Variants in AEBP2 observed in about 807,000 individuals in gnomAD.
The protein encoded by AEBP2 is AE binding protein 2.
AEBP2 carries 10 observed loss-of-function variants against 50.8 expected under a neutral mutation model. That is an observed-to-expected ratio of 0.20 (90% CI 0.12 to 0.33). The LOEUF (loss-of-function observed/expected upper bound fraction) is 0.33. Ranked by LOEUF, AEBP2 falls within the 10% of genes least tolerant of loss-of-function variation. The pLI, the probability that AEBP2 is intolerant of heterozygous loss-of-function variation, is 1.00. For missense variants in AEBP2, 570 were observed against 688.0 expected (o/e 0.83, Z 1.92); for synonymous variants, 296 against 261.3 (o/e 1.13, Z -1.28).
At chr12:19,471,893 A>G (rs1304629813) in intron 2 of AEBP2, among the ~76,000 whole-genome samples, 1 of 151,648 alleles carries the variant, frequency 6.6e-6, no homozygotes, top group Non-Finnish European at 1.5e-5. Context: ...GTTACTTTTA[A>G]CTCTGAGAAC....
intron 1 of AEBP2, chr12:19,440,856 T>G (rs1947945130): frequency 8.5e-7 from 1 of 1,170,878 alleles, no homozygotes; most frequent in East Asian, 2.6e-5. Context: ...AGCTATCACT[T>G]TTCTCTACTT....
chr12:19,446,764 A>G (rs971642021), intron 1 of AEBP2, among the ~76,000 whole-genome samples: 2 of 151,728 alleles, frequency 1.3e-5, no homozygotes, highest in Non-Finnish European at 1.5e-5. Flanking sequence ...TCTCATCTAC[A>G]AAAAATGAAA....
chr12:19,514,643 T>G, intron 6 of AEBP2, 28 bp from the exon 7 acceptor site: 1 of 1,503,486 alleles, frequency 6.7e-7, no homozygotes. Context: ...AATGTTACTT[T>G]ATTATTGACT....
intron 4 of AEBP2, among the ~76,000 whole-genome samples, chr12:19,498,242 G>A (rs908237905): frequency 6.6e-6 from 1 of 151,868 alleles, no homozygotes; most frequent in African/African-American, 2.4e-5. Context: ...ATTTTTTTTC[G>A]AGTAGCCACT....
chr12:19,420,362 C>T (rs2095745004), intron 1 of AEBP2, among the ~76,000 whole-genome samples: 2 of 101,822 alleles, frequency 2.0e-5, no homozygotes, highest in East Asian at 3.3e-4. Flanking sequence ...GAGACAGAGT[C>T]TCACTCTGTC....
chr12:19,419,899 C>T (rs775647900), intron 1 of AEBP2, among the ~76,000 whole-genome samples: 6 of 152,130 alleles, frequency 3.9e-5, no homozygotes, highest in Non-Finnish European at 8.8e-5. Context: ...CACTGCGCTC[C>T]AGCCTGGGCC....
chr12:19,425,235 T>A (rs975106364), intron 1 of AEBP2, among the ~76,000 whole-genome samples: 3 of 152,138 alleles, frequency 2.0e-5, no homozygotes, highest in African/African-American at 7.2e-5. Context: ...GAAGTCAAGC[T>A]AGCATTACAT....
intron 4 of AEBP2, among the ~76,000 whole-genome samples, chr12:19,494,329 A>G (rs141496066): frequency 0.011 from 1,680 of 152,020 alleles, 22 homozygotes; most frequent in Non-Finnish European, 0.015. Context: ...TAAGTAATCT[A>G]TCTACTCCAA....
chr12:19,404,869 A>T (rs1246269601), intron 1 of AEBP2, among the ~76,000 whole-genome samples: 1 of 148,810 alleles, frequency 6.7e-6, no homozygotes, highest in African/African-American at 2.5e-5. Context: ...ATATGTTACG[A>T]TATTATTTTT....
At position 19,521,196 on chromosome 12, in the gene AEBP2, C is replaced by T. The variant is rs1202758849; in HGVS notation, c.*3079C>T. On this transcript the variant is annotated 3_prime_UTR_variant, in exon 8 of 8. Coordinates refer to ENST00000266508, the MANE Select transcript of AEBP2 (RefSeq NM_153207.5). The stretch of plus-strand genomic sequence containing the variant: ...GTCTAGTTGACAAAAAGTTTGGAAA[C>T]ATAAACTTAGACCACACAACTTGCA... The T allele has an allele frequency of 6.6e-6, 1 of 152,150 alleles. No homozygotes were observed. The highest frequency in any genetic ancestry group is 1.5e-5 in the Non-Finnish European group (1 of 68,004). 9.4% of individuals were successfully genotyped at this position (152,150 alleles called of 1,614,324 possible).
In AEBP2 at chr12:19,493,811, T is replaced by G. The variant is rs762681064; in HGVS notation, c.999T>G (p.Gly333=). The G allele has an allele frequency of 1.1e-5, 17 of 1,613,670 alleles. No individual in the cohort carries two copies. The highest frequency in any genetic ancestry group is 3.3e-4 in the Middle Eastern group (2 of 6,070). Reference sequence around the variant, plus strand: ...TTATTTTCTTTTAGTGTGTTGTTGGTGGCTGCAATGCCAGCTTTGCTTCTC... The same window carrying G: ...TTATTTTCTTTTAGTGTGTTGTTGGGGGCTGCAATGCCAGCTTTGCTTCTC... ...SGDKPFKCVV[G]GCNASFASQG... The change falls in exon 4 of 8, where the codon GGT becomes GGG. Residue 333 remains glycine (G), a synonymous_variant. Coordinates refer to ENST00000266508, the MANE Select transcript of AEBP2 (RefSeq NM_153207.5).
At chr12:19,461,860 T>G (rs1394347732) in intron 1 of AEBP2, among the ~76,000 whole-genome samples, 1 of 152,188 alleles carries the variant, frequency 6.6e-6, no homozygotes, top group Non-Finnish European at 1.5e-5. Flanking sequence ...ATTGGCATTT[T>G]CAGTCTTTTT....
chr12:19,473,900 G>C (rs1592748483), intron 3 of AEBP2, among the ~76,000 whole-genome samples: 1 of 152,134 alleles, frequency 6.6e-6, no homozygotes, highest in Non-Finnish European at 1.5e-5. Flanking sequence ...GTTGCTGTTG[G>C]ATTAGGGTCT....
Position 19,518,299 on chromosome 12 carries a change from T to C in AEBP2, c.*182T>C. 7.7e-7 allele frequency: 1 copy of C among 1,298,844 alleles called. No individual in the cohort carries two copies. The highest frequency in any genetic ancestry group is 9.8e-7 in the Non-Finnish European group (1 of 1,025,454). The allele number at this position is 1,298,844 out of a possible 1,614,324, so 80.5% of individuals were successfully genotyped here. ...TAAACATTCTGTGAATGAAGTAGAC[T>C]CTTCGGTGGAATATATTAATATATT... On this transcript the variant is annotated 3_prime_UTR_variant, in exon 8 of 8. Coordinates refer to ENST00000266508, the MANE Select transcript of AEBP2 (RefSeq NM_153207.5).
intron 1 of AEBP2, among the ~76,000 whole-genome samples, chr12:19,424,814 C>T (rs2095747696): frequency 6.6e-6 from 1 of 151,758 alleles, no homozygotes; most frequent in Non-Finnish European, 1.5e-5. Flanking sequence ...TCAAGACCAG[C>T]CTGGCCAACA....
rs747061981 is a variant in AEBP2 at position 19,500,280 on chromosome 12, C to T, written c.1299+59C>T. On this transcript the variant is annotated intron_variant, in intron 5 of 7. Transcript: ENST00000266508. ...AAAACTTTGCAAAAAAATATTTCCA[C>T]AATCATTTCTAAATCTCTCAAAATC... 4 of 1,334,402 alleles carry T rather than the reference C, an allele frequency of 3.0e-6. No individual in the cohort carries two copies. The African/African-American group carries it at 6.1e-5, about 20-fold the overall frequency. The allele number at this position is 1,334,402 out of a possible 1,614,324, so 82.7% of individuals were successfully genotyped here.
chr12:19,456,426 T>C, intron 1 of AEBP2: 2 of 1,401,974 alleles, frequency 1.4e-6, no homozygotes, highest in South Asian at 2.3e-5. Context: ...AGGAACCATA[T>C]CAACGTTGGC....
intron 5 of AEBP2, among the ~76,000 whole-genome samples, chr12:19,500,995 T>C (rs1949064695): frequency 6.6e-6 from 1 of 152,184 alleles, no homozygotes; most frequent in South Asian, 2.1e-4. Flanking sequence ...ATCATACTTT[T>C]GGTGATTTGA....
chr12:19,442,850 C>G (rs1947986965), intron 1 of AEBP2, among the ~76,000 whole-genome samples: 1 of 152,080 alleles, frequency 6.6e-6, no homozygotes, highest in Non-Finnish European at 1.5e-5. Flanking sequence ...ATCCCTAATT[C>G]TTATAAATTA....
Sources: allele counts gnomAD v4.1 joint callset (sites outside exome capture counted in the v4.1 genomes callset), GRCh38; gene constraint gnomAD v4.1.1; transcripts MANE v1.5; gene names NCBI Gene and HGNC (gene_info 2026-07-23, HGNC 2026-07-21).